Variants in PSME4 observed in about 807,000 individuals in gnomAD.
The protein encoded by PSME4 is proteasome activator complex subunit 4.
In PSME4, 89 loss-of-function variants were observed where a neutral mutation model predicts 253.9. That is an observed-to-expected ratio of 0.35 (90% CI 0.30 to 0.42). The LOEUF (loss-of-function observed/expected upper bound fraction) is 0.42. PSME4 is among the 10% of genes least tolerant of loss of function. The probability of loss-of-function intolerance (pLI) is 1.00; values close to 1 mark genes in which losing one functional copy is unlikely to be tolerated. For synonymous variants in PSME4, 851 were observed against 759.2 expected (o/e 1.12, Z -1.99); for missense variants, 2,014 against 2,195.2 (o/e 0.92, Z 1.65).
intron 1 of PSME4, among the ~76,000 whole-genome samples, chr2:53,967,772 A>G (rs919040514): frequency 6.6e-6 from 1 of 151,296 alleles, no homozygotes; most frequent in African/African-American, 2.4e-5. Flanking sequence ...ACGGGTGCAC[A>G]TTTCTGATCA....
Position 53,910,121 on chromosome 2 carries a change from A to G in PSME4, c.2526T>C (p.Ser842=). 1 of 1,605,842 alleles carries G rather than the reference A, an allele frequency of 6.2e-7. No individual in the cohort carries two copies. The highest frequency in any genetic ancestry group is 8.5e-7 in the Non-Finnish European group (1 of 1,172,496). Residue 842 remains serine (S), a synonymous_variant, in exon 21 of 47, where the codon AGT becomes AGC. Transcript: ENST00000404125. ...ACTTTGTCTCTTCCAAGGACACCAT[A>G]CTTGGTACTCTGTATAAAAACAAGA... The part of the protein sequence containing the change: ...KGEPVTNLVP[S]MVSLEETKLY...
intron 43 of PSME4, chr2:53,870,552 AT>A (rs1299908485): frequency 6.9e-6 from 1 of 144,602 alleles, no homozygotes; most frequent in Non-Finnish European, 1.5e-5. Context: ...TTTTTTTTGT[AT>A]TTTTAGTAGA....
At chr2:53,901,594 G>A in intron 27 of PSME4, 35 bp from the exon 28 acceptor site, 1 of 1,525,304 alleles carries the variant, frequency 6.6e-7, no homozygotes, top group Non-Finnish European at 9.0e-7. Flanking sequence ...GTTTACATGG[G>A]AAATAAGAGG....
At chr2:53,868,564 A>C (rs28424202) in intron 44 of PSME4, among the ~76,000 whole-genome samples, 19 of 124,188 alleles carry the variant, frequency 1.5e-4, no homozygotes, top group African/African-American at 2.5e-4. Context: ...TAATATATAT[A>C]ATATATATTA....
Position 53,869,381 on chromosome 2 carries a change from G to A in PSME4, c.5258C>T (p.Ser1753Phe), listed in dbSNP as rs548289767. The A allele has an allele frequency of 7.5e-6, 12 of 1,604,690 alleles. No homozygotes were observed. The African/African-American group carries it at 1.6e-4, about 21-fold the overall frequency. ...DPGSVGDTIP[S>F]AELVKRHAGV... The stretch of plus-strand genomic sequence containing the variant: ...TTTCCTACCAGCAATGTTACCTGCA[G>A]AAGGAATGGTATCTCCTACAGAACC... Residue 1753 changes from serine to phenylalanine, a missense_variant, in exon 44 of 47, where the codon TCT (serine) becomes TTT (phenylalanine). Physicochemically the swap from Ser to Phe is radical, Grantham distance 155. Transcript: ENST00000404125.
rs1231529927 is a variant in PSME4, at chr2:53,927,437, A to C, written c.1550T>G (p.Val517Gly). 4 of 1,598,178 alleles carry C rather than the reference A, an allele frequency of 2.5e-6. No homozygotes were observed. Among genetic ancestry groups the C allele is most frequent in the Non-Finnish European group, 3.4e-6 (4 of 1,165,598 alleles). Residue 517 changes from valine to glycine, a missense_variant, in exon 12 of 47, where the codon GTA becomes GGA. Physicochemically the swap from Val to Gly is moderately radical, Grantham distance 109. This residue lies in a region of PSME4 where 989 missense variants were observed against 1,021.1 expected (regional missense o/e 0.97). Transcript: ENST00000404125. ...TTCTTGTAGTACAGATGAACAATCT[A>C]CTAAAGGCACCAGAGTAGAAAATGT... Reference protein sequence around the residue: ...IATFSTLVPLVDCSSVLQERN... With the variant: ...IATFSTLVPLGDCSSVLQERN...
At chr2:53,900,625 T>A (rs1373581553) in intron 28 of PSME4, among the ~76,000 whole-genome samples, 1 of 152,194 alleles carries the variant, frequency 6.6e-6, no homozygotes, top group Non-Finnish European at 1.5e-5. Context: ...ATGTCCATAT[T>A]AAAAGGGTGA....
intron 41 of PSME4, among the ~76,000 whole-genome samples, chr2:53,880,159 A>G (rs1342800855): frequency 6.6e-6 from 1 of 152,194 alleles, no homozygotes; most frequent in African/African-American, 2.4e-5. Flanking sequence ...GCAAAAGCTT[A>G]AAAGTGGTAA....
chr2:53,899,893 G>T lies in PSME4; in HGVS notation c.3410C>A (p.Ala1137Asp). The T allele has an allele frequency of 7.4e-6, 12 of 1,613,490 alleles. No homozygotes were observed. Among genetic ancestry groups the T allele is most frequent in the Non-Finnish European group, 1.0e-5 (12 of 1,179,678 alleles). ...EGIKRQQEKN[A>D]DALRNYENLV... ...ATTCATCAATTACCTTAGGGCATCG[G>T]CATTCTTTTCCTGTTGGCGTTTAAT... Residue 1137 changes from alanine to aspartate, a missense_variant, in exon 29 of 47, where the codon GCC becomes GAC. This residue lies in a region of PSME4 where 989 missense variants were observed against 1,021.1 expected (regional missense o/e 0.97). Transcript: ENST00000404125.
At chr2:53,963,608 G>T (rs1038808534) in intron 1 of PSME4, among the ~76,000 whole-genome samples, 1 of 152,134 alleles carries the variant, frequency 6.6e-6, no homozygotes, top group African/African-American at 2.4e-5. Context: ...AAGGTAAAAG[G>T]CAGAAATGAA....
At chr2:53,916,440 A>G (rs543862607) in intron 20 of PSME4, among the ~76,000 whole-genome samples, 1 of 152,264 alleles carries the variant, frequency 6.6e-6, no homozygotes, top group Non-Finnish European at 1.5e-5. Flanking sequence ...TCCCTGACCT[A>G]GTATATTTTC....
intron 32 of PSME4, among the ~76,000 whole-genome samples, chr2:53,895,943 AT>A (rs1680118964): frequency 6.6e-6 from 1 of 152,166 alleles, no homozygotes; most frequent in African/African-American, 2.4e-5. Context: ...TGAATCAGTT[AT>A]TTTGGGGGAG....
chr2:53,969,173 C>G (rs935388745), intron 1 of PSME4, among the ~76,000 whole-genome samples: 1 of 152,094 alleles, frequency 6.6e-6, no homozygotes, highest in Non-Finnish European at 1.5e-5. Context: ...ACGTGGTTCT[C>G]CCTGTTGCAT....
rs200348351 is a variant in PSME4, at chr2:53,937,496, C to A, written c.590G>T (p.Arg197Leu). 1.1e-5 allele frequency: 17 copies of A among 1,611,362 alleles called. No individual in the cohort carries two copies. The highest frequency in any genetic ancestry group is 1.4e-5 in the Non-Finnish European group (16 of 1,178,992). The change falls in exon 5 of 47, where the codon CGA becomes CTA. Residue 197 changes from arginine to leucine, a missense_variant. Around this residue, in one of 4 missense-constraint regions of PSME4, gnomAD observed 615 missense variants for 594.4 expected, o/e 1.03. Transcript: ENST00000404125. The stretch of plus-strand genomic sequence containing the variant: ...TACATCAAAAGGGCACATTAAAGGT[C>A]GCCATTCTTCTAGCATCTCAGCGGT... ...DATAEMLEEW[R>L]PLMCPFDVTM...
intron 1 of PSME4, among the ~76,000 whole-genome samples, chr2:53,952,844 G>C (rs1233984910): frequency 6.6e-6 from 1 of 152,198 alleles, no homozygotes; most frequent in African/African-American, 2.4e-5. Context: ...TGTGCAGCCC[G>C]GTTCCTAACA....
At chr2:53,865,937 C>G (rs1678543775) in intron 46 of PSME4, 148 bp downstream of exon 46, 2 of 861,788 alleles carry the variant, frequency 2.3e-6, no homozygotes, top group Non-Finnish European at 3.4e-6. Flanking sequence ...ATGGCCGTAG[C>G]AAAAGCCATG....
chr2:53,874,605 C>T, intron 42 of PSME4, 111 bp from the exon 43 acceptor site: 1 of 1,106,002 alleles, frequency 9.0e-7, no homozygotes, highest in Non-Finnish European at 1.3e-6. Context: ...ACTCTATTTA[C>T]ACAGGTATAG....
intron 3 of PSME4, among the ~76,000 whole-genome samples, chr2:53,944,282 C>CT (rs1202741632): frequency 1.3e-5 from 2 of 152,092 alleles, no homozygotes; most frequent in Non-Finnish European, 2.9e-5. Context: ...CCTCAGCCTC[C>CT]TGGGTAGCTG....
At chr2:53,871,030 C>A (rs1399481611) in intron 43 of PSME4, 2 of 152,086 alleles carry the variant, frequency 1.3e-5, no homozygotes, top group African/African-American at 4.8e-5. Flanking sequence ...CTATTAGTTG[C>A]TTTTCAAAAA....
Sources: gnomAD v4.1 joint callset for allele counts (sites outside exome capture counted in the v4.1 genomes callset) on GRCh38, gnomAD v4.1.1 for gene constraint, gnomAD v4.1.1 regional missense constraint, MANE v1.5 for transcripts, NCBI Gene and HGNC (gene_info 2026-07-23, HGNC 2026-07-21) for gene names.